CDNF: variants seen among roughly 807,000 people sequenced by gnomAD.
CDNF encodes cerebral dopamine neurotrophic factor.
In CDNF, 9 loss-of-function variants were observed where a neutral mutation model predicts 14.8. That is an observed-to-expected ratio of 0.61 (90% CI 0.37 to 1.06). CDNF has a LOEUF of 1.06. CDNF is among the 50% of genes least tolerant of loss of function. The pLI is 0.01. For synonymous variants in CDNF, 86 were observed against 87.2 expected, an observed-to-expected ratio of 0.99 and a Z score of 0.07; for missense variants, 228 against 228.4, an observed-to-expected ratio of 1.00 and a Z score of 0.01.
In CDNF at chr10:14,837,859, C is replaced by A. The variant is rs749169249; in HGVS notation, c.88G>T (p.Gly30Trp). The A allele has an allele frequency of 3.7e-6, 6 of 1,601,102 alleles. No individual in the cohort carries two copies. The Admixed American group carries it at 6.8e-5, about 18-fold the overall frequency. ...TCACAGTCGGCCCCTGGCCGCCCCC[C>A]GGCCTCCTGGCCCTGCGTCAGCACC... The part of the protein sequence containing the change: ...HPVLTQGQEA[G>W]GRPGADCEVC... Residue 30 changes from glycine (G) to tryptophan (W), a missense_variant, in exon 1 of 4, where the codon GGG becomes TGG. By Grantham distance (184) the Gly-to-Trp change is radical (BLOSUM62 -2). Coordinates refer to ENST00000465530, the MANE Select transcript of CDNF (RefSeq NM_001029954.3).
At chr10:14,821,441 A>G (rs1833737515) in intron 3 of CDNF, among the ~76,000 whole-genome samples, 1 of 152,222 alleles carries the variant, frequency 6.6e-6, no homozygotes, top group Non-Finnish European at 1.5e-5. Context: ...CTTTACAGCA[A>G]TGCGGGAACA....
chr10:14,831,835 A>G (rs1472620842), intron 1 of CDNF, among the ~76,000 whole-genome samples: 1 of 152,174 alleles, frequency 6.6e-6, no homozygotes, highest in Admixed American at 6.5e-5. Flanking sequence ...CGGCTTCCCA[A>G]AGTGCTGGGA....
At chr10:14,826,691 T>C (rs1435725922) in intron 2 of CDNF, among the ~76,000 whole-genome samples, 1 of 152,210 alleles carries the variant, frequency 6.6e-6, no homozygotes, top group Non-Finnish European at 1.5e-5. Context: ...CTGTGCCAGG[T>C]GCTGCTCTCA....
At chr10:14,826,763 G>C (rs1175955355) in intron 2 of CDNF, among the ~76,000 whole-genome samples, 1 of 152,116 alleles carries the variant, frequency 6.6e-6, no homozygotes, top group Non-Finnish European at 1.5e-5. Flanking sequence ...AGTACTATTA[G>C]TATCTGTATT....
At chr10:14,826,086 AAGAAGAAGAAGCAGCAGCAGCAGC>A (rs1348320904) in intron 2 of CDNF, among the ~76,000 whole-genome samples, 9 of 136,042 alleles carry the variant, frequency 6.6e-5, no homozygotes, top group South Asian at 2.5e-4. Context: ...GAAGAAGAAG[AAGAAGAAGAAGCAGCAGCAGCAGC>A]AGCAGCAGCA....
At chr10:14,836,752 T>C (rs1255797316) in intron 1 of CDNF, among the ~76,000 whole-genome samples, 1 of 152,094 alleles carries the variant, frequency 6.6e-6, no homozygotes, top group African/African-American at 2.4e-5. Context: ...GCCAACATGG[T>C]GAAACTGCAT....
intron 3 of CDNF, among the ~76,000 whole-genome samples, chr10:14,824,385 C>A (rs747536153): frequency 5.3e-5 from 8 of 152,150 alleles, no homozygotes; most frequent in Non-Finnish European, 1.0e-4. Flanking sequence ...GCAGGTGGAT[C>A]ACCTGAGGTC....
chr10:14,825,404 A>C, intron 3 of CDNF, 75 bp downstream of exon 3: 1 of 1,439,220 alleles, frequency 6.9e-7, no homozygotes, highest in Non-Finnish European at 9.5e-7. Flanking sequence ...CTGAATTTTT[A>C]GAAGACATGG....
At chr10:14,827,276 G>A (rs1833807338) in intron 2 of CDNF, among the ~76,000 whole-genome samples, 1 of 151,888 alleles carries the variant, frequency 6.6e-6, no homozygotes, top group Admixed American at 6.6e-5. Flanking sequence ...TAAATGGCAT[G>A]AGCTTTACAA....
intron 3 of CDNF, among the ~76,000 whole-genome samples, chr10:14,824,601 C>G (rs1434758471): frequency 7.0e-6 from 1 of 143,480 alleles, no homozygotes; most frequent in African/African-American, 2.6e-5. Flanking sequence ...GCGAGACTTC[C>G]CCTCAAAAAA....
chr10:14,834,982 A>G (rs772175645), intron 1 of CDNF, among the ~76,000 whole-genome samples: 4 of 152,136 alleles, frequency 2.6e-5, no homozygotes, highest in Non-Finnish European at 4.4e-5. Flanking sequence ...CGATGTAGTG[A>G]TTGGTTGGGG....
intron 2 of CDNF, among the ~76,000 whole-genome samples, chr10:14,825,952 A>G (rs1399613581): frequency 6.6e-6 from 1 of 151,346 alleles, no homozygotes; most frequent in Non-Finnish European, 1.5e-5. Flanking sequence ...CTCCATCTCA[A>G]AAAAAAAGAA....
At chr10:14,824,868 T>G (rs1833766213) in intron 3 of CDNF, among the ~76,000 whole-genome samples, 1 of 152,194 alleles carries the variant, frequency 6.6e-6, no homozygotes. Context: ...CAGGAGTAGC[T>G]GCTCTCTCTA....
At chr10:14,833,533 T>C (rs1169508448) in intron 1 of CDNF, among the ~76,000 whole-genome samples, 3 of 152,202 alleles carry the variant, frequency 2.0e-5, no homozygotes, top group African/African-American at 4.8e-5. Context: ...TAAGAAGATA[T>C]ATAGATATAG....
intron 1 of CDNF, among the ~76,000 whole-genome samples, chr10:14,835,309 C>A (rs1833877533): frequency 6.6e-6 from 1 of 152,040 alleles, no homozygotes; most frequent in African/African-American, 2.4e-5. Context: ...GAGAGCAGAA[C>A]CCTGGAAAAT....
intron 1 of CDNF, among the ~76,000 whole-genome samples, chr10:14,832,089 A>T (rs1022589228): frequency 1.3e-5 from 2 of 152,234 alleles, no homozygotes; most frequent in East Asian, 3.8e-4. Flanking sequence ...AAAAATAAAC[A>T]TGGTAAGGAG....
rs533076475 is a variant in CDNF, at chr10:14,823,253, T to C, written c.385+2226A>G. 5.7e-4 allele frequency among the ~76,000 whole-genome samples: 87 copies of C among 152,316 alleles called. 1 individual carries two copies. The highest frequency in any genetic ancestry group is 3.5e-3 in the South Asian group (17 of 4,830). On this transcript the variant is annotated intron_variant, in intron 3 of 3. Transcript: ENST00000465530. ...TTTCTAGAGAACTTGGTATCTGGCA[T>C]TAATTTTAAAAAGAGGAAAACCTCT...
chr10:14,834,322 C>G (rs568716524), intron 1 of CDNF: 150 of 151,234 alleles, frequency 9.9e-4, no homozygotes, highest in African/African-American at 3.3e-3. Context: ...ACCTGGGTGA[C>G]AGAGTGAGGC....
At chr10:14,821,685 A>C (rs148340983) in intron 3 of CDNF, among the ~76,000 whole-genome samples, 2,973 of 152,318 alleles carry the variant, frequency 0.02, 34 homozygotes, top group Admixed American at 0.041. Context: ...CCAAGAGATT[A>C]TACTTGCTTC....
Sources: allele counts gnomAD v4.1 joint callset (sites outside exome capture counted in the v4.1 genomes callset), GRCh38; gene constraint gnomAD v4.1.1; transcripts MANE v1.5; gene names NCBI Gene and HGNC (gene_info 2026-07-23, HGNC 2026-07-21).